TNR: variants seen among roughly 807,000 people sequenced by gnomAD.
TNR encodes the protein tenascin-R.
Under a neutral mutation model 150.4 loss-of-function variants are expected in TNR, and 45 were observed. The ratio of observed to expected loss-of-function variants is 0.30; its 90% CI spans 0.24 to 0.38. The LOEUF (loss-of-function observed/expected upper bound fraction) is 0.38. Ranked by LOEUF, TNR falls within the 10% of genes least tolerant of loss-of-function variation. The pLI, the probability that TNR is intolerant of heterozygous loss-of-function variation, is 1.00. For synonymous variants in TNR, 687 were observed against 678.4 expected (o/e 1.01, Z -0.20); for missense variants, 1,544 against 1,759.1 (o/e 0.88, Z 2.19).
intron 2 of TNR, among the ~76,000 whole-genome samples, chr1:175,409,222 T>C (rs1201740249): frequency 2.0e-5 from 3 of 152,232 alleles, no homozygotes; most frequent in Non-Finnish European, 1.5e-5. Context: ...GAATCCAAGT[T>C]TGTTTATCTG....
At chr1:175,718,069 C>G (rs1667201057) in intron 1 of TNR, among the ~76,000 whole-genome samples, 1 of 152,190 alleles carries the variant, frequency 6.6e-6, no homozygotes, top group African/African-American at 2.4e-5. Context: ...TAGCTGGTCC[C>G]TTTTGGCGCA....
At chr1:175,402,064 T>C (rs892031649) in intron 4 of TNR, among the ~76,000 whole-genome samples, 7 of 151,864 alleles carry the variant, frequency 4.6e-5, no homozygotes, top group African/African-American at 1.7e-4. Flanking sequence ...TCCCAGCACT[T>C]TGGGAGGCCG....
rs1048380521 is a variant in TNR, at chr1:175,319,721, G to C, written c.*3636C>G. ...ATCTCCCATACAAATCAGCTGGCCG[G>C]TTTTCCTGAGTCCTGGTTTGGCTCT... On this transcript the variant is annotated 3_prime_UTR_variant, in exon 23 of 23. Transcript: ENST00000367674. 1 of 152,250 alleles carries C rather than the reference G, an allele frequency of 6.6e-6. No individual in the cohort carries two copies. Among genetic ancestry groups the C allele is most frequent in the African/African-American group, 2.4e-5 (1 of 41,452 alleles). The allele number at this position is 152,250 out of a possible 1,614,324, so 9.4% of individuals were successfully genotyped here. A position where few individuals can be genotyped will look rare whatever the true frequency, so the allele number is the denominator to read the frequency against.
rs757072163 is a variant in TNR at position 175,386,256 on chromosome 1, G to A, written c.1553C>T (p.Thr518Ile). 2.4e-5 allele frequency: 39 copies of A among 1,596,018 alleles called. No individual in the cohort carries two copies. Among genetic ancestry groups the A allele is most frequent in the Admixed American group, 1.0e-4 (6 of 59,008 alleles). Residue 518 changes from threonine to isoleucine, a missense_variant, in exon 8 of 23, where the codon ACT becomes ATT. Transcript: ENST00000367674. ...GGGAATCCACTCCACAAAAGCCACA[G>A]TGTCCGAGACATCGCGAACCAGGAT... Reference protein sequence around the residue: ...TQILVRDVSDTVAFVEWIPPR... With the variant: ...TQILVRDVSDIVAFVEWIPPR...
chr1:175,621,864 T>A (rs193147021), intron 1 of TNR, among the ~76,000 whole-genome samples: 129 of 152,372 alleles, frequency 8.5e-4, no homozygotes, highest in African/African-American at 3.0e-3. Context: ...AGGATTTGTA[T>A]CGCACAAAGG....
intron 1 of TNR, among the ~76,000 whole-genome samples, chr1:175,642,182 C>T (rs556087951): frequency 1.2e-4 from 19 of 152,240 alleles, no homozygotes; most frequent in Admixed American, 9.8e-4. Flanking sequence ...AACACTTCCC[C>T]CACCACCCGC....
rs561212037 is a variant in TNR at position 175,736,317 on chromosome 1, C to G, written c.-165+6909G>C. Among the ~76,000 whole-genome samples the G allele has an allele frequency of 3.9e-5, 6 of 152,048 alleles. No homozygotes were observed. In the East Asian group the frequency reaches 9.8e-4, roughly 25 times the overall value. The stretch of plus-strand genomic sequence containing the variant: ...CGGGTGGATCACGAGGTCAGGATAT[C>G]GAGACCATCCTGGCTAACATGGTGA... On this transcript the variant is annotated intron_variant, in intron 1 of 22. Transcript: ENST00000367674.
intron 1 of TNR, among the ~76,000 whole-genome samples, chr1:175,617,474 T>C (rs1220622913): frequency 6.6e-6 from 1 of 152,202 alleles, no homozygotes; most frequent in African/African-American, 2.4e-5. Flanking sequence ...TTGGTGACAA[T>C]GCGATCCCTC....
rs1012299652 is a variant in TNR at position 175,396,772 on chromosome 1, T to C, written c.1012A>G (p.Ser338Gly). 4 of 1,614,042 alleles carry C rather than the reference T, an allele frequency of 2.5e-6. No homozygotes were observed. The highest frequency in any genetic ancestry group is 3.3e-5 in the Admixed American group (2 of 60,028). Reference protein sequence around the residue: ...PPEDLRVAGISDRSIELEWDG... With the variant: ...PPEDLRVAGIGDRSIELEWDG... ...CATTCCAGCTCAATGGACCTGTCGCTGATACCAGCCACTCGCAAGTCCTCT... is the reference window on the plus strand; with the variant it reads ...CATTCCAGCTCAATGGACCTGTCGCCGATACCAGCCACTCGCAAGTCCTCT... The change falls in exon 5 of 23, where the codon AGC (serine) becomes GGC (glycine). Residue 338 changes from serine (S) to glycine (G), a missense_variant. Physicochemically the swap from Ser to Gly is moderately conservative, Grantham distance 56 (BLOSUM62 0). This residue lies in a region of TNR where 1,254 missense variants were observed against 1,329.4 expected (regional missense o/e 0.94). Transcript: ENST00000367674.
intron 1 of TNR, among the ~76,000 whole-genome samples, chr1:175,700,015 A>G (rs1260240525): frequency 6.6e-6 from 1 of 151,854 alleles, no homozygotes; most frequent in Admixed American, 6.6e-5. Flanking sequence ...GGTAGTATCT[A>G]TGTGAGAGGG....
At chr1:175,408,646 T>A (rs985637507) in intron 2 of TNR, among the ~76,000 whole-genome samples, 1 of 152,194 alleles carries the variant, frequency 6.6e-6, no homozygotes, top group African/African-American at 2.4e-5. Context: ...TCACTTAAGC[T>A]CTCTGTGCCT....
chr1:175,347,754 T>A, intron 18 of TNR, among the ~76,000 whole-genome samples: 1 of 152,250 alleles, frequency 6.6e-6, no homozygotes, highest in East Asian at 1.9e-4. Flanking sequence ...AATTTACATT[T>A]TAATTTTTAT....
chr1:175,331,078 C>CTTTCCTTCT (rs57439733), intron 20 of TNR, among the ~76,000 whole-genome samples: 27 of 59,912 alleles, frequency 4.5e-4, no homozygotes, highest in Non-Finnish European at 6.2e-4. Context: ...TCTTTCTTTC[C>CTTTCCTTCT]TTCTTTCTTT....
At chr1:175,379,389 T>C (rs779736813) in intron 9 of TNR, among the ~76,000 whole-genome samples, 163 bp downstream of exon 9, 1 of 152,082 alleles carries the variant, frequency 6.6e-6, no homozygotes, top group Non-Finnish European at 1.5e-5. Flanking sequence ...TTAGAACAGG[T>C]GATGGCAGTA....
Position 175,406,513 on chromosome 1 carries a change from C to A in TNR, c.202G>T (p.Val68Leu), listed in dbSNP as rs749834592. 15 of 1,614,074 alleles carry A rather than the reference C, an allele frequency of 9.3e-6. No homozygotes were observed. The highest frequency in any genetic ancestry group is 1.3e-5 in the African/African-American group (1 of 74,928). ...TCCAAGGGCACGTTAATGTTGTACA[C>A]GTGGTTGAAGACCACAGGCTGCTCT... ...SKEQPVVFNH[V>L]YNINVPLDNL... is the part of the protein sequence containing the mutation. Residue 68 changes from valine (V) to leucine (L), a missense_variant, in exon 3 of 23, where the codon GTG becomes TTG. Val to Leu is a conservative substitution (Grantham distance 32). This residue lies in a region of TNR where 1,254 missense variants were observed against 1,329.4 expected (regional missense o/e 0.94). Transcript: ENST00000367674.
chr1:175,581,991 C>G (rs1046364778), intron 1 of TNR, among the ~76,000 whole-genome samples: 1 of 152,122 alleles, frequency 6.6e-6, no homozygotes, highest in African/African-American at 2.4e-5. Context: ...AGGCCAGAAT[C>G]TAGGATTCAT....
intron 1 of TNR, among the ~76,000 whole-genome samples, chr1:175,718,767 G>A (rs1667224521): frequency 6.6e-6 from 1 of 152,160 alleles, no homozygotes; most frequent in Non-Finnish European, 1.5e-5. Flanking sequence ...AAGCCCGGGG[G>A]ATTATATGAC....
chr1:175,598,843 T>C (rs986089526), intron 1 of TNR, among the ~76,000 whole-genome samples: 1 of 152,222 alleles, frequency 6.6e-6, no homozygotes, highest in Admixed American at 6.5e-5. Flanking sequence ...TGTAAATCAC[T>C]CTGCCACTCT....
At chr1:175,681,002 C>T (rs1433809420) in intron 1 of TNR, among the ~76,000 whole-genome samples, 15 of 152,162 alleles carry the variant, frequency 9.9e-5, no homozygotes, top group Non-Finnish European at 2.2e-4. Context: ...TTAGTGCTGC[C>T]TCTAGGATTG....
Sources: allele counts gnomAD v4.1 joint callset (sites outside exome capture counted in the v4.1 genomes callset), GRCh38; gene constraint gnomAD v4.1.1; regional missense constraint gnomAD v4.1.1; transcripts MANE v1.5; gene names NCBI Gene and HGNC (gene_info 2026-07-23, HGNC 2026-07-21).